WASF2: variants seen among roughly 807,000 people sequenced by gnomAD.
WASF2 encodes WASP family member 2.
Under a neutral mutation model 45.0 loss-of-function variants are expected in WASF2, and 14 were observed. That is an observed-to-expected ratio of 0.31 (90% confidence interval 0.21 to 0.49). The LOEUF is 0.49. Among genes scored for constraint, WASF2 ranks in the 20% least tolerant of loss-of-function variants. The pLI is 0.99. For synonymous variants in WASF2, 200 were observed against 236.3 expected (o/e 0.85, Z 1.41); for missense variants, 439 against 636.1 (o/e 0.69, Z 3.33).
At chr1:27,440,031 A>C (rs2017188412) in intron 1 of WASF2, among the ~76,000 whole-genome samples, 1 of 152,170 alleles carries the variant, frequency 6.6e-6, no homozygotes, top group Admixed American at 6.5e-5. Context: ...AACAAAACCC[A>C]AAACCTAGTA....
At chr1:27,417,127 T>G (rs1287550798) in intron 4 of WASF2, among the ~76,000 whole-genome samples, 1 of 152,222 alleles carries the variant, frequency 6.6e-6, no homozygotes, top group Non-Finnish European at 1.5e-5. Context: ...TGACACTGTA[T>G]GCTAAAAAGA....
At position 27,404,683 on chromosome 1, in the gene WASF2, T is replaced by C. The variant is rs760255581; in HGVS notation, c.*3506A>G. 13 of 152,246 alleles carry C rather than the reference T, an allele frequency of 8.5e-5. No individual in the cohort carries two copies. The highest frequency in any genetic ancestry group is 1.9e-4 in the Non-Finnish European group (13 of 68,034). The allele number at this position is 152,246 out of a possible 1,614,324, so 9.4% of individuals were successfully genotyped here. A position where few individuals can be genotyped will look rare whatever the true frequency, so the allele number is the denominator to read the frequency against. The stretch of plus-strand genomic sequence containing the variant: ...ACTTTGGGAGCATTATGGCTTACTC[T>C]ACTACATGTACATCATTCTAGACAG... On this transcript the variant is annotated 3_prime_UTR_variant, in exon 9 of 9. Coordinates refer to ENST00000618852, the MANE Select transcript of WASF2 (RefSeq NM_006990.5).
At chr1:27,443,028 G>A (rs1466034580) in intron 1 of WASF2, among the ~76,000 whole-genome samples, 2 of 150,468 alleles carry the variant, frequency 1.3e-5, no homozygotes, top group Non-Finnish European at 3.0e-5. Flanking sequence ...GCCAGGCACG[G>A]TGCCGAAAAC....
chr1:27,415,844 A>G (rs2016819488), intron 5 of WASF2, 141 bp downstream of exon 5: 1 of 688,710 alleles, frequency 1.5e-6, no homozygotes, highest in African/African-American at 1.8e-5. Flanking sequence ...CTTGGTGTGG[A>G]CACATTTTTT....
intron 2 of WASF2, among the ~76,000 whole-genome samples, chr1:27,422,618 C>CAAAAAAAAA (rs782035111): frequency 2.3e-5 from 3 of 128,852 alleles, no homozygotes; most frequent in Non-Finnish European, 1.6e-5. Flanking sequence ...GACTCCGTCT[C>CAAAAAAAAA]AAAAAAAAAA....
chr1:27,422,696 CA>C (rs1397580518), intron 2 of WASF2, among the ~76,000 whole-genome samples: 1 of 151,542 alleles, frequency 6.6e-6, no homozygotes, highest in Non-Finnish European at 1.5e-5. Context: ...CAGCAAGTCA[CA>C]ATCTCCCAGC....
At chr1:27,485,931 C>T (rs1369764082) in intron 1 of WASF2, among the ~76,000 whole-genome samples, 2 of 152,136 alleles carry the variant, frequency 1.3e-5, no homozygotes, top group African/African-American at 4.8e-5. Context: ...AGGCTGGTCT[C>T]GAACTCCTGA....
At chr1:27,488,209 A>G (rs1388992078) in intron 1 of WASF2, among the ~76,000 whole-genome samples, 1 of 152,116 alleles carries the variant, frequency 6.6e-6, no homozygotes, top group Non-Finnish European at 1.5e-5. Flanking sequence ...AACAATACCC[A>G]TAGCCGTCCC....
At chr1:27,431,175 T>C (rs1172480820) in intron 1 of WASF2, among the ~76,000 whole-genome samples, 1 of 152,210 alleles carries the variant, frequency 6.6e-6, no homozygotes, top group African/African-American at 2.4e-5. Flanking sequence ...GCTGTGCCTA[T>C]CTTTGGGGTG....
Position 27,487,218 on chromosome 1 carries a change from A to G in WASF2, c.-44+2768T>C, listed in dbSNP as rs538006989. On this transcript the variant is annotated intron_variant, in intron 1 of 8. Coordinates refer to ENST00000618852, the MANE Select transcript of WASF2 (RefSeq NM_006990.5). ...CGGGTTCACACCATTCTCCTGCCTC[A>G]GCTTCCCGAGTAGCCGGGACTACAG... Among the ~76,000 whole-genome samples the G allele has an allele frequency of 2.7e-3, 388 of 145,468 alleles. 2 individuals are homozygous for G. The highest frequency in any genetic ancestry group is 9.3e-3 in the African/African-American group (373 of 39,974).
intron 1 of WASF2, among the ~76,000 whole-genome samples, chr1:27,438,727 G>C (rs149225548): frequency 2.4e-4 from 37 of 152,354 alleles, no homozygotes; most frequent in African/African-American, 8.9e-4. Context: ...AGTGAGGAGA[G>C]AGACCTAGCA....
In WASF2 at chr1:27,406,294, G is replaced by A. The variant is rs2016673876; in HGVS notation, c.*1895C>T. 1 of 152,476 alleles carries A rather than the reference G, an allele frequency of 6.6e-6. No individual in the cohort carries two copies. 9.4% of individuals were successfully genotyped at this position (152,476 alleles called of 1,614,324 possible). A position where few individuals can be genotyped will look rare whatever the true frequency, so the allele number is the denominator to read the frequency against. The stretch of plus-strand genomic sequence containing the variant: ...GCTTAGTGCCAAGTCCTGTGCCAGA[G>A]ACACCTGATGTGTAAAGAGGGAAGA... On this transcript the variant is annotated 3_prime_UTR_variant, in exon 9 of 9. Transcript: ENST00000618852.
At chr1:27,431,373 G>A (rs534677339) in intron 1 of WASF2, among the ~76,000 whole-genome samples, 1 of 152,248 alleles carries the variant, frequency 6.6e-6, no homozygotes, top group South Asian at 2.1e-4. Flanking sequence ...AGTAACACAT[G>A]GTAAAGAGAG....
At chr1:27,462,961 A>C (rs773471369) in intron 1 of WASF2, among the ~76,000 whole-genome samples, 1 of 152,054 alleles carries the variant, frequency 6.6e-6, no homozygotes, top group Non-Finnish European at 1.5e-5. Flanking sequence ...CTGGGATTAC[A>C]GGTGCGCGCC....
At position 27,409,790 on chromosome 1, in the gene WASF2, G is replaced by C; in HGVS notation, c.1241C>G (p.Pro414Arg). 6.4e-7 allele frequency: 1 copy of C among 1,560,646 alleles called. No homozygotes were observed. The highest frequency in any genetic ancestry group is 1.2e-5 in the South Asian group (1 of 81,474). ...ATCAGAAAGCGGTGGTGGTATAGCA[G>C]GCTGGCCATCTGCACCAGTGAAAGG... is the stretch of plus-strand genomic sequence containing the variant. Reference protein sequence around the residue: ...PPPFTGADGQPAIPPPLSDTT... With the variant: ...PPPFTGADGQRAIPPPLSDTT... Residue 414 changes from proline to arginine, a missense_variant, in exon 8 of 9, where the codon CCT becomes CGT. This residue lies in a region of WASF2 where 286 missense variants were observed against 373.5 expected (regional missense o/e 0.77). Transcript: ENST00000618852.
chr1:27,467,237 A>AACAC (rs949862642), intron 1 of WASF2, among the ~76,000 whole-genome samples: 6 of 148,378 alleles, frequency 4.0e-5, no homozygotes, highest in South Asian at 2.1e-4. Context: ...AAAAAACCAA[A>AACAC]ACACACACAC....
At chr1:27,481,525 C>G (rs556555372) in intron 1 of WASF2, among the ~76,000 whole-genome samples, 1 of 152,088 alleles carries the variant, frequency 6.6e-6, no homozygotes, top group East Asian at 1.9e-4. Flanking sequence ...ATGACAAAAC[C>G]CCGTCTCTAC....
At chr1:27,447,771 A>T (rs2017329934) in intron 1 of WASF2, among the ~76,000 whole-genome samples, 1 of 152,250 alleles carries the variant, frequency 6.6e-6, no homozygotes, top group Admixed American at 6.5e-5. Context: ...GGTAAAAGGT[A>T]CACAAGCAGC....
intron 1 of WASF2, among the ~76,000 whole-genome samples, chr1:27,487,706 ATATATAATGTATATCATTATAT>A (rs1223674622): frequency 2.7e-4 from 31 of 116,390 alleles, no homozygotes; most frequent in Admixed American, 1.6e-3. Context: ...ATTTTATACA[ATATATAATGTATATCATTATAT>A]TATATAATGT....
Sources: gnomAD v4.1 joint callset for allele counts (sites outside exome capture counted in the v4.1 genomes callset) on GRCh38, gnomAD v4.1.1 for gene constraint, gnomAD v4.1.1 regional missense constraint, MANE v1.5 for transcripts, NCBI Gene and HGNC (gene_info 2026-07-23, HGNC 2026-07-21) for gene names.